The following RORB variants were observed in gnomAD, a reference collection of about 807,000 sequenced individuals.
RORB encodes RAR related orphan receptor B, also known as nuclear receptor ROR-beta.
A neutral mutation model predicts 59.1 loss-of-function variants in RORB; 6 were observed. The observed-to-expected ratio is 0.10, with a 90% CI of 0.06 to 0.20. The LOEUF is 0.20. Ranked by LOEUF, RORB falls within the 10% of genes least tolerant of loss-of-function variation. The pLI is 1.00. For missense variants in RORB, 320 were observed against 560.5 expected (o/e 0.57, Z 4.33); for synonymous variants, 215 against 204.5 (o/e 1.05, Z -0.44).
At chr9:74,542,836 C>G (rs537006039) in intron 1 of RORB, among the ~76,000 whole-genome samples, 23 of 152,238 alleles carry the variant, frequency 1.5e-4, no homozygotes, top group Admixed American at 1.0e-3. Context: ...TGTGGAAAGC[C>G]TCTGGGAGTA....
chr9:74,509,704 A>C (rs546396291), intron 1 of RORB, among the ~76,000 whole-genome samples: 1 of 152,148 alleles, frequency 6.6e-6, no homozygotes, highest in East Asian at 1.9e-4. Context: ...ATTTTGTCTG[A>C]TTGACTGAGA....
At chr9:74,638,720 G>T (rs997991632) in intron 3 of RORB, among the ~76,000 whole-genome samples, 3 of 152,156 alleles carry the variant, frequency 2.0e-5, no homozygotes, top group African/African-American at 7.2e-5. Context: ...AAGTCAGTAG[G>T]TTTATTTTTG....
chr9:74,603,392 T>C (rs1263906372), intron 1 of RORB, among the ~76,000 whole-genome samples: 3 of 152,144 alleles, frequency 2.0e-5, no homozygotes, highest in East Asian at 1.9e-4. Flanking sequence ...GTTTGATAAA[T>C]GGGGAAAGTT....
chr9:74,625,264 G>A (rs191260568), intron 1 of RORB, among the ~76,000 whole-genome samples: 20 of 152,226 alleles, frequency 1.3e-4, no homozygotes, highest in Admixed American at 9.2e-4. Flanking sequence ...TCACTTGGGG[G>A]CCTTTTCCAA....
chr9:74,560,294 G>C (rs1204675601), intron 1 of RORB, among the ~76,000 whole-genome samples: 9 of 152,186 alleles, frequency 5.9e-5, no homozygotes, highest in Admixed American at 3.3e-4. Context: ...TTGTGTGCTT[G>C]TCAGTGTGGC....
At chr9:74,595,889 G>A (rs1316903085) in intron 1 of RORB, among the ~76,000 whole-genome samples, 2 of 152,150 alleles carry the variant, frequency 1.3e-5, no homozygotes, top group African/African-American at 4.8e-5. Flanking sequence ...CTCCTCAGAT[G>A]TCCCACAGAA....
At chr9:74,529,654 G>C (rs1826206525) in intron 1 of RORB, among the ~76,000 whole-genome samples, 1 of 151,774 alleles carries the variant, frequency 6.6e-6, no homozygotes, top group Non-Finnish European at 1.5e-5. Flanking sequence ...TACCTTAAAA[G>C]TGCTTTAAAC....
rs1823347211 is a variant in RORB, at chr9:74,618,342, T to C, written c.8-11940T>C. Among the ~76,000 whole-genome samples the C allele has an allele frequency of 2.0e-5, 3 of 152,272 alleles. 1 individual carries two copies. The Middle Eastern group carries it at 0.01, about 518-fold the overall frequency. On this transcript the variant is annotated intron_variant, in intron 1 of 9. Transcript: ENST00000376896. ...GTTACTATTAGATTAGGAAGAGAAA[T>C]GTTAGTAGAATACTAACATTCTAAT...
At chr9:74,502,603 A>G (rs1233203879) in intron 1 of RORB, among the ~76,000 whole-genome samples, 1 of 152,086 alleles carries the variant, frequency 6.6e-6, no homozygotes, top group Admixed American at 6.6e-5. Flanking sequence ...CATTCAATTA[A>G]TAGTTTAATA....
intron 1 of RORB, among the ~76,000 whole-genome samples, chr9:74,623,237 G>A (rs1019594629): frequency 2.6e-5 from 4 of 152,130 alleles, no homozygotes; most frequent in South Asian, 2.1e-4. Context: ...AGCCACAACC[G>A]CAAGAGTGAG....
chr9:74,570,439 A>G (rs1454340457), intron 1 of RORB, among the ~76,000 whole-genome samples: 1 of 152,130 alleles, frequency 6.6e-6, no homozygotes, highest in Non-Finnish European at 1.5e-5. Context: ...TACAATCACA[A>G]TATGTTTATT....
intron 1 of RORB, among the ~76,000 whole-genome samples, chr9:74,596,800 G>A (rs12336068): frequency 0.013 from 1,963 of 152,270 alleles, 29 homozygotes; most frequent in African/African-American, 0.041. Flanking sequence ...TTATATTTAA[G>A]CTAATTAAAA....
rs371399397 is a variant in RORB, at chr9:74,675,894, G to C, written c.1224+3993G>C. Among the ~76,000 whole-genome samples the C allele has an allele frequency of 5.8e-4, 89 of 152,350 alleles. 1 individual carries two copies. The highest frequency in any genetic ancestry group is 2.0e-3 in the African/African-American group (84 of 41,582). On this transcript the variant is annotated intron_variant, in intron 9 of 9. Transcript: ENST00000376896. ...AACAGCAGGACCACTGCCGAGGTTA[G>C]AGAGAGGGTGAGAGATAGGGCAGCA...
chr9:74,630,136 C>T, intron 1 of RORB, 146 bp from the exon 2 acceptor site: 2 of 960,460 alleles, frequency 2.1e-6, no homozygotes, highest in Non-Finnish European at 2.9e-6. Context: ...CATGCAAATA[C>T]TAATGGATGA....
chr9:74,666,216 G>A (rs924721307), intron 7 of RORB, among the ~76,000 whole-genome samples: 2 of 152,214 alleles, frequency 1.3e-5, no homozygotes, highest in African/African-American at 4.8e-5. Context: ...GAATGTGGGA[G>A]GTGGAGGTTG....
At chr9:74,616,794 A>T (rs1221048780) in intron 1 of RORB, among the ~76,000 whole-genome samples, 4 of 152,162 alleles carry the variant, frequency 2.6e-5, no homozygotes, top group Admixed American at 2.6e-4. Flanking sequence ...GTAAAATTAC[A>T]TAAAACATAG....
intron 1 of RORB, among the ~76,000 whole-genome samples, chr9:74,614,870 G>T (rs1237417305): frequency 6.6e-6 from 1 of 152,106 alleles, no homozygotes; most frequent in Non-Finnish European, 1.5e-5. Flanking sequence ...TTCTGTCTTT[G>T]TTTCTTCATC....
At chr9:74,531,667 C>T in intron 1 of RORB, among the ~76,000 whole-genome samples, 1 of 151,888 alleles carries the variant, frequency 6.6e-6, no homozygotes, top group East Asian at 1.9e-4. Flanking sequence ...TATTTGGCTC[C>T]TTTAATATAC....
chr9:74,648,616 G>T (rs1407537633), intron 4 of RORB, among the ~76,000 whole-genome samples: 1 of 152,114 alleles, frequency 6.6e-6, no homozygotes, highest in East Asian at 1.9e-4. Context: ...ACGATACTCG[G>T]GGCTTTCACT....
Sources: gnomAD v4.1 joint callset for allele counts (sites outside exome capture counted in the v4.1 genomes callset) on GRCh38, gnomAD v4.1.1 for gene constraint, MANE v1.5 for transcripts, NCBI Gene and HGNC (gene_info 2026-07-23, HGNC 2026-07-21) for gene names.